SMC6: variants seen among roughly 807,000 people sequenced by gnomAD.
The protein encoded by SMC6 is structural maintenance of chromosomes protein 6.
SMC6 carries 79 observed loss-of-function variants against 142.2 expected under a neutral mutation model. The observed-to-expected ratio is 0.56, with a 90% CI of 0.46 to 0.67. The LOEUF (loss-of-function observed/expected upper bound fraction) is 0.67, where lower values mean the gene tolerates loss of function less well. SMC6 is among the 30% of genes least tolerant of loss of function. The pLI is 0.00. For synonymous variants in SMC6, 411 were observed against 412.4 expected, an observed-to-expected ratio of 1.00 and a Z score of 0.04; for missense variants, 1,072 against 1,284.0, an observed-to-expected ratio of 0.83 and a Z score of 2.52.
At chr2:17,711,047 G>C (rs76272722) in intron 16 of SMC6, among the ~76,000 whole-genome samples, 3,743 of 152,208 alleles carry the variant, frequency 0.025, 175 homozygotes, top group African/African-American at 0.085. Flanking sequence ...AGTCTAAGAG[G>C]GGAGGACGTG....
chr2:17,729,291 T>C (rs1398774077), intron 7 of SMC6, among the ~76,000 whole-genome samples: 2 of 152,218 alleles, frequency 1.3e-5, no homozygotes, highest in African/African-American at 2.4e-5. Flanking sequence ...CTAGACTTTC[T>C]GCATTTTAAA....
At chr2:17,743,359 A>G (rs564863898) in intron 3 of SMC6, among the ~76,000 whole-genome samples, 1 of 152,318 alleles carries the variant, frequency 6.6e-6, no homozygotes, top group South Asian at 2.1e-4. Flanking sequence ...TCAGCACAGT[A>G]TAATTTTCAC....
chr2:17,689,159 TAGAC>T (rs1302359868), intron 23 of SMC6, among the ~76,000 whole-genome samples: 2 of 152,082 alleles, frequency 1.3e-5, no homozygotes, highest in Admixed American at 6.6e-5. Context: ...GAGAAATAGA[TAGAC>T]AGATTATGTG....
At chr2:17,676,374 T>C (rs9783991) in intron 25 of SMC6, among the ~76,000 whole-genome samples, 21,153 of 152,160 alleles carry the variant, frequency 0.14, 1,754 homozygotes, top group African/African-American at 0.24. Context: ...TAAAAAAAAT[T>C]ATCAATCACC....
intron 25 of SMC6, among the ~76,000 whole-genome samples, chr2:17,672,706 T>C (rs898998742): frequency 3.3e-5 from 5 of 152,242 alleles, no homozygotes; most frequent in African/African-American, 1.2e-4. Flanking sequence ...ATATACACTA[T>C]GTACATCCTT....
chr2:17,696,342 C>G lies in SMC6; in HGVS notation c.2479G>C (p.Asp827His), dbSNP rs773140545. ...HYEEKQKEHL[D>H]TLNKKKRELD... ...TCTCGTTTCTTTTTATTTAAGGTAT[C>G]CAAGTGTTCTTTTTGTTTTTCTTCA... The change falls in exon 22 of 28, where the codon GAT (aspartate) becomes CAT (histidine). Residue 827 changes from aspartate to histidine, a missense_variant. Coordinates refer to ENST00000448223, the MANE Select transcript of SMC6 (RefSeq NM_001142286.2). The G allele has an allele frequency of 1.9e-6, 3 of 1,609,574 alleles. No individual in the cohort carries two copies. The highest frequency in any genetic ancestry group is 2.5e-6 in the Non-Finnish European group (3 of 1,178,914).
At chr2:17,753,144 T>C (rs764438696) in intron 1 of SMC6, 80 bp from the exon 2 acceptor site, 1 of 448,340 alleles carries the variant, frequency 2.2e-6, no homozygotes, top group Non-Finnish European at 2.9e-6. Context: ...ACAATTTGCA[T>C]TTTCGTAAAA....
At chr2:17,729,605 T>C (rs930394060) in intron 7 of SMC6, among the ~76,000 whole-genome samples, 4 of 152,202 alleles carry the variant, frequency 2.6e-5, no homozygotes, top group East Asian at 1.9e-4. Context: ...TACAGTATAC[T>C]GAATGCCCCT....
At chr2:17,707,015 T>C (rs750558507) in intron 18 of SMC6, among the ~76,000 whole-genome samples, 2 of 152,172 alleles carry the variant, frequency 1.3e-5, no homozygotes, top group Non-Finnish European at 2.9e-5. Context: ...GGATTATCAG[T>C]CCTGAATGAC....
chr2:17,682,567 T>G (rs1667280935), intron 24 of SMC6, among the ~76,000 whole-genome samples: 1 of 152,058 alleles, frequency 6.6e-6, no homozygotes, highest in Admixed American at 6.5e-5. Context: ...GGAAAAGAAA[T>G]ATCCAAAGGA....
At chr2:17,667,327 A>G (rs1312296460) in intron 26 of SMC6, among the ~76,000 whole-genome samples, 4 of 152,212 alleles carry the variant, frequency 2.6e-5, no homozygotes, top group Non-Finnish European at 4.4e-5. Flanking sequence ...CTTACAGACC[A>G]ATTTCTCAAT....
chr2:17,737,662 A>G (rs750216178), intron 5 of SMC6, among the ~76,000 whole-genome samples: 1 of 152,218 alleles, frequency 6.6e-6, no homozygotes, highest in Non-Finnish European at 1.5e-5. Context: ...CTATTCACCA[A>G]GGGTCTGGGA....
At chr2:17,671,467 G>A (rs1666756746) in intron 25 of SMC6, among the ~76,000 whole-genome samples, 1 of 151,090 alleles carries the variant, frequency 6.6e-6, no homozygotes, top group Non-Finnish European at 1.5e-5. Flanking sequence ...AAACTAGCTG[G>A]CCATGGTGGC....
intron 19 of SMC6, 27 bp downstream of exon 19, chr2:17,703,130 G>A: frequency 1.6e-6 from 2 of 1,262,658 alleles, no homozygotes; most frequent in Non-Finnish European, 2.2e-6. Context: ...AAAAACAAAA[G>A]AAGGTTTATT....
chr2:17,671,243 T>C (rs80222030), intron 25 of SMC6, among the ~76,000 whole-genome samples: 7,856 of 152,136 alleles, frequency 0.052, 232 homozygotes, highest in Middle Eastern at 0.11. Flanking sequence ...TGACACCTAG[T>C]GGTTAAGCTG....
At chr2:17,666,556 A>G in intron 26 of SMC6, 39 bp from the exon 27 acceptor site, 1 of 1,467,466 alleles carries the variant, frequency 6.8e-7, no homozygotes, top group Non-Finnish European at 9.5e-7. Flanking sequence ...GCTATTGTGT[A>G]AGTCACATTT....
At chr2:17,681,957 G>A (rs1481459641) in intron 24 of SMC6, 1 of 151,926 alleles carries the variant, frequency 6.6e-6, no homozygotes, top group Non-Finnish European at 1.5e-5. Flanking sequence ...AGTAAAATGA[G>A]GTATGCCTGT....
intron 16 of SMC6, among the ~76,000 whole-genome samples, chr2:17,713,975 C>T (rs1373685644): frequency 1.3e-5 from 2 of 152,104 alleles, no homozygotes; most frequent in East Asian, 3.9e-4. Flanking sequence ...ATATGAGAGA[C>T]ATAGCACTAG....
chr2:17,689,279 A>G (rs1200474963), intron 23 of SMC6, among the ~76,000 whole-genome samples: 2 of 152,162 alleles, frequency 1.3e-5, no homozygotes, highest in Admixed American at 1.3e-4. Flanking sequence ...ATAAAATCAA[A>G]ACAAAGAGCA....
Sources: gnomAD v4.1 joint callset for allele counts (sites outside exome capture counted in the v4.1 genomes callset) on GRCh38, gnomAD v4.1.1 for gene constraint, MANE v1.5 for transcripts, NCBI Gene and HGNC (gene_info 2026-07-23, HGNC 2026-07-21) for gene names.